The following KLF12 variants were observed in gnomAD, a reference collection of about 807,000 sequenced individuals.
KLF12 encodes the protein Krueppel-like factor 12.
Under a neutral mutation model 37.8 loss-of-function variants are expected in KLF12, and 9 were observed. That is an observed-to-expected ratio of 0.24 (90% confidence interval 0.14 to 0.42). KLF12 has a LOEUF of 0.42. KLF12 is among the 10% of genes least tolerant of loss of function. KLF12 has a pLI of 1.00. For synonymous variants in KLF12, 208 were observed against 202.1 expected, an observed-to-expected ratio of 1.03 and a Z score of -0.25; for missense variants, 411 against 516.0, an observed-to-expected ratio of 0.80 and a Z score of 1.97.
rs529931504 is a variant in KLF12 at position 74,012,974 on chromosome 13, CA to C, written c.-31-17922del. Among the ~76,000 whole-genome samples, 187 of 152,312 alleles carry C rather than the reference CA, an allele frequency of 1.2e-3. 1 individual carries two copies. Among genetic ancestry groups the C allele is most frequent in the African/African-American group, 4.1e-3 (172 of 41,574 alleles). ...AAACTGGACCATTTTTCTGAGGAAA[CA>C]TAAGCAGCTAATTCAAATCTGTGAC... On this transcript the variant is annotated intron_variant, in intron 1 of 7. Coordinates refer to ENST00000377669, the MANE Select transcript of KLF12 (RefSeq NM_007249.5).
chr13:74,172,390 T>C, the KLF12 span, among the ~76,000 whole-genome samples: 2 of 152,142 alleles, frequency 1.3e-5, no homozygotes, highest in Non-Finnish European at 2.9e-5. Flanking sequence ...TAAAAATATA[T>C]TATTCTATAT....
At chr13:74,215,427 CTTTT>C in the KLF12 span, among the ~76,000 whole-genome samples, 1,111 of 60,370 alleles carry the variant, frequency 0.018, 16 homozygotes, top group African/African-American at 0.061. Flanking sequence ...CCTCTGGGTT[CTTTT>C]TTTTTTTTTT....
intron 6 of KLF12, among the ~76,000 whole-genome samples, chr13:73,738,279 G>C (rs1877675549): frequency 6.7e-6 from 1 of 149,544 alleles, no homozygotes; most frequent in Admixed American, 6.7e-5. Flanking sequence ...CAAGTAGCTG[G>C]GATTACAGGT....
At chr13:74,157,031 T>A in the KLF12 span, among the ~76,000 whole-genome samples, 3 of 152,166 alleles carry the variant, frequency 2.0e-5, no homozygotes, top group Non-Finnish European at 4.4e-5. Flanking sequence ...CAGTATAAAC[T>A]TAACATAAAT....
chr13:73,829,832 G>A (rs1241529086), intron 4 of KLF12, among the ~76,000 whole-genome samples: 3 of 152,248 alleles, frequency 2.0e-5, no homozygotes, highest in East Asian at 3.9e-4. Flanking sequence ...CATTCTCAAC[G>A]TTCTTCATAA....
At chr13:73,907,984 A>ACTGG (rs781470598) in intron 3 of KLF12, among the ~76,000 whole-genome samples, 1 of 152,146 alleles carries the variant, frequency 6.6e-6, no homozygotes, top group East Asian at 1.9e-4. Context: ...AGGTCTTTGT[A>ACTGG]CTGGCTGCCC....
intron 5 of KLF12, among the ~76,000 whole-genome samples, chr13:73,808,449 C>T (rs1414513635): frequency 1.3e-5 from 2 of 152,098 alleles, no homozygotes; most frequent in Non-Finnish European, 2.9e-5. Context: ...GTTTAGTAGA[C>T]TCATTACATA....
chr13:73,904,892 C>A (rs1888203424), intron 3 of KLF12, among the ~76,000 whole-genome samples: 2 of 150,676 alleles, frequency 1.3e-5, no homozygotes, highest in African/African-American at 4.9e-5. Flanking sequence ...CTCAGAATAC[C>A]AGGCTTGTCA....
At chr13:73,747,605 G>A (rs1487579924) in intron 6 of KLF12, among the ~76,000 whole-genome samples, 1 of 152,160 alleles carries the variant, frequency 6.6e-6, no homozygotes, top group Non-Finnish European at 1.5e-5. Context: ...GCATCCCCTT[G>A]TAATAATAGT....
At chr13:73,853,075 G>A (rs932215453) in intron 3 of KLF12, among the ~76,000 whole-genome samples, 5 of 151,930 alleles carry the variant, frequency 3.3e-5, no homozygotes, top group Admixed American at 2.0e-4. Context: ...CACCGTGTTA[G>A]CCAGGATGGT....
chr13:73,856,625 C>G (rs962140015), intron 3 of KLF12, among the ~76,000 whole-genome samples: 4 of 152,066 alleles, frequency 2.6e-5, no homozygotes, highest in African/African-American at 9.7e-5. Context: ...ACATCTATCC[C>G]TAACTACTCA....
chr13:73,916,256 C>T (rs1017809299), intron 3 of KLF12, among the ~76,000 whole-genome samples: 1 of 151,250 alleles, frequency 6.6e-6, no homozygotes, highest in Non-Finnish European at 1.5e-5. Context: ...CGCACACACA[C>T]ACACACACAC....
the KLF12 span, among the ~76,000 whole-genome samples, chr13:74,156,126 A>G: frequency 6.6e-6 from 1 of 152,216 alleles, no homozygotes; most frequent in Admixed American, 6.5e-5. Flanking sequence ...TGCACCTTCC[A>G]AAGTTACATC....
chr13:73,867,209 T>C lies in KLF12; in HGVS notation c.124-20836A>G, dbSNP rs117979969. On this transcript the variant is annotated intron_variant, in intron 3 of 7. Transcript: ENST00000377669. ...ACTTAAATGTAGTAACTCTTAAATA[T>C]AAGAAAATAAAAGTTGAAAGTAAAT... Among the ~76,000 whole-genome samples the C allele has an allele frequency of 2.6e-5, 4 of 151,840 alleles. No homozygotes were observed. In the East Asian group the frequency reaches 7.7e-4, roughly 29 times the overall value.
the KLF12 span, among the ~76,000 whole-genome samples, chr13:74,301,162 A>G: frequency 6.6e-6 from 1 of 152,158 alleles, no homozygotes; most frequent in African/African-American, 2.4e-5. Flanking sequence ...AGACATCTGC[A>G]ATGAGGAACA....
rs1447749889 is a variant in KLF12, at chr13:73,694,317, C to T, written c.*1173G>A. 2.0e-5 allele frequency: 3 copies of T among 152,580 alleles called. No individual in the cohort carries two copies. The highest frequency in any genetic ancestry group is 2.9e-5 in the Non-Finnish European group (2 of 68,036). The allele number at this position is 152,580 out of a possible 1,614,324, so 9.5% of individuals were successfully genotyped here. On this transcript the variant is annotated 3_prime_UTR_variant, in exon 8 of 8. Coordinates refer to ENST00000377669, the MANE Select transcript of KLF12 (RefSeq NM_007249.5). ...GGGAGCATAATCTTTAATTGTGGTA[C>T]TCAACCAAGCAGGACAACAAACAGC...
At chr13:74,132,898 G>C (rs1878340185) in intron 1 of KLF12, among the ~76,000 whole-genome samples, 1 of 152,184 alleles carries the variant, frequency 6.6e-6, no homozygotes, top group African/African-American at 2.4e-5. Flanking sequence ...CCCCGTAGGG[G>C]AGCATCTAAC....
chr13:73,915,823 C>T (rs925676372), intron 3 of KLF12, among the ~76,000 whole-genome samples: 6 of 151,438 alleles, frequency 4.0e-5, no homozygotes, highest in African/African-American at 1.2e-4. Context: ...TGAGCCACGG[C>T]GCCTGGCCTT....
At chr13:74,012,567 A>G (rs73213093) in intron 1 of KLF12, among the ~76,000 whole-genome samples, 8 of 152,344 alleles carry the variant, frequency 5.3e-5, no homozygotes, top group Non-Finnish European at 8.8e-5. Context: ...TTACAGTATC[A>G]TCTGGAAACT....
Sources: gnomAD v4.1 joint callset for allele counts (sites outside exome capture counted in the v4.1 genomes callset) on GRCh38, gnomAD v4.1.1 for gene constraint, MANE v1.5 for transcripts, NCBI Gene and HGNC (gene_info 2026-07-23, HGNC 2026-07-21) for gene names.